WDPCP: variants seen among roughly 807,000 people sequenced by gnomAD.
WDPCP encodes WD repeat-containing and planar cell polarity effector protein fritz homolog.
In WDPCP, 71 loss-of-function variants were observed where a neutral mutation model predicts 93.1. The ratio of observed to expected loss-of-function variants is 0.76; its 90% CI spans 0.63 to 0.93. WDPCP has a LOEUF of 0.93. WDPCP is among the 40% of genes least tolerant of loss of function. The probability of loss-of-function intolerance (pLI) is 0.00; values close to 1 mark genes in which losing one functional copy is unlikely to be tolerated. For missense variants in WDPCP, 844 were observed against 887.4 expected (o/e 0.95, Z 0.62); for synonymous variants, 315 against 315.0 (o/e 1.00, Z 0.00).
chr2:63,229,610 A>G (rs1389558628), intron 14 of WDPCP: 3 of 152,060 alleles, frequency 2.0e-5, no homozygotes, highest in Admixed American at 6.6e-5. Flanking sequence ...TAATTTTTGT[A>G]TAAGGTGTAA....
intron 13 of WDPCP, among the ~76,000 whole-genome samples, chr2:63,279,657 A>G (rs952110801): frequency 2.0e-5 from 3 of 152,216 alleles, no homozygotes; most frequent in African/African-American, 7.2e-5. Flanking sequence ...ATTGGTAAAG[A>G]GGAAGTCAGA....
chr2:63,794,586 C>A (rs1160021525), intron 2 of WDPCP, among the ~76,000 whole-genome samples: 1 of 152,188 alleles, frequency 6.6e-6, no homozygotes, highest in South Asian at 2.1e-4. Flanking sequence ...AGGAAACCAC[C>A]TTAGGATAAG....
At chr2:63,515,778 G>A (rs1321242188) in intron 1 of WDPCP, among the ~76,000 whole-genome samples, 1 of 152,136 alleles carries the variant, frequency 6.6e-6, no homozygotes, top group Non-Finnish European at 1.5e-5. Flanking sequence ...CCAGCACTTC[G>A]GGAGGCCGAG....
At chr2:63,201,043 T>C (rs1461333095) in intron 14 of WDPCP, among the ~76,000 whole-genome samples, 1 of 152,164 alleles carries the variant, frequency 6.6e-6, no homozygotes, top group African/African-American at 2.4e-5. Flanking sequence ...TTTCCCAATG[T>C]TGGAGGAGGA....
At chr2:63,766,222 C>T (rs1670134690) in intron 2 of WDPCP, among the ~76,000 whole-genome samples, 1 of 152,176 alleles carries the variant, frequency 6.6e-6, no homozygotes, top group African/African-American at 2.4e-5. Context: ...ATCAGTGAGT[C>T]TCATCCCTCC....
At chr2:63,221,186 G>A (rs1677801323) in intron 14 of WDPCP, among the ~76,000 whole-genome samples, 1 of 152,142 alleles carries the variant, frequency 6.6e-6, no homozygotes, top group Non-Finnish European at 1.5e-5. Flanking sequence ...AGAGAACCAG[G>A]AGTGTTGTCT....
intron 17 of WDPCP, among the ~76,000 whole-genome samples, chr2:63,141,496 T>C (rs1671060134): frequency 6.6e-6 from 1 of 152,248 alleles, no homozygotes; most frequent in Admixed American, 6.5e-5. Context: ...CTTTTTGATA[T>C]GTTGTTGGAT....
In WDPCP at chr2:63,656,414, A is replaced by T. The variant is rs929633378; in HGVS notation, n.309-5576T>A. Among the ~76,000 whole-genome samples, 3 of 152,210 alleles carry T rather than the reference A, an allele frequency of 2.0e-5. No homozygotes were observed. In the South Asian group the frequency reaches 6.2e-4, roughly 31 times the overall value. ...TTGAGATTCATGGAGAATGGCTGGC[A>T]TTAGCATTGGGAAGTGCCAAGGCCA... On this transcript the variant is annotated intron_variant and non_coding_transcript_variant, in intron 2 of 4. Coordinates refer to the WDPCP transcript ENST00000467687.
intron 12 of WDPCP, among the ~76,000 whole-genome samples, chr2:63,335,411 T>C (rs1476998426): frequency 2.1e-5 from 3 of 142,808 alleles, no homozygotes; most frequent in Non-Finnish European, 4.5e-5. Context: ...GATGCTATTG[T>C]AAATAGAATG....
intron 6 of WDPCP, among the ~76,000 whole-genome samples, chr2:63,452,469 C>T (rs1427351385): frequency 2.0e-5 from 3 of 152,178 alleles, no homozygotes; most frequent in Non-Finnish European, 4.4e-5. Flanking sequence ...AAGAACATTC[C>T]ATGTTCATGG....
At chr2:63,462,869 G>A (rs1699110925) in intron 6 of WDPCP, among the ~76,000 whole-genome samples, 1 of 152,174 alleles carries the variant, frequency 6.6e-6, no homozygotes, top group Non-Finnish European at 1.5e-5. Flanking sequence ...GAGGACCAAA[G>A]AGGGGTCTCT....
At chr2:63,282,652 C>T (rs1683658709) in intron 13 of WDPCP, among the ~76,000 whole-genome samples, 1 of 152,064 alleles carries the variant, frequency 6.6e-6, no homozygotes, top group Non-Finnish European at 1.5e-5. Context: ...GATGATGTTA[C>T]TTTACAGCCA....
chr2:63,666,079 C>T (rs189906583), intron 2 of WDPCP, among the ~76,000 whole-genome samples: 2 of 152,318 alleles, frequency 1.3e-5, no homozygotes, highest in Admixed American at 1.3e-4. Context: ...TACACTGAAA[C>T]TTCTGTGTTT....
intron 12 of WDPCP, chr2:63,359,756 C>G (rs774943854): frequency 2.0e-5 from 3 of 152,152 alleles, no homozygotes; most frequent in Non-Finnish European, 2.9e-5. Flanking sequence ...CCAAAATACC[C>G]CCTGAGAAGT....
At chr2:63,296,678 C>G (rs1421511087) in intron 13 of WDPCP, among the ~76,000 whole-genome samples, 1 of 152,110 alleles carries the variant, frequency 6.6e-6, no homozygotes, top group African/African-American at 2.4e-5. Context: ...AAATCAGGAA[C>G]TCAATCCCAT....
At chr2:63,808,543 T>C (rs1280523105) in intron 2 of WDPCP, among the ~76,000 whole-genome samples, 2 of 152,194 alleles carry the variant, frequency 1.3e-5, no homozygotes, top group African/African-American at 4.8e-5. Context: ...GGGGTTTCGC[T>C]GTGTTGGCCG....
At chr2:63,580,619 A>G (rs1708432200) in intron 1 of WDPCP, among the ~76,000 whole-genome samples, 1 of 152,202 alleles carries the variant, frequency 6.6e-6, no homozygotes, top group Non-Finnish European at 1.5e-5. Flanking sequence ...AGAAATGTCA[A>G]TGTCATGAAA....
intron 1 of WDPCP, among the ~76,000 whole-genome samples, chr2:63,574,358 T>C (rs1005454423): frequency 1.3e-5 from 2 of 152,186 alleles, no homozygotes; most frequent in African/African-American, 4.8e-5. Context: ...GAAAAGAACC[T>C]ACGTGAAATA....
At chr2:63,684,815 A>G (rs1293014007) in intron 2 of WDPCP, 4 of 363,314 alleles carry the variant, frequency 1.1e-5, no homozygotes, top group African/African-American at 6.3e-5. Flanking sequence ...ATCAATAATA[A>G]TAGGAATTTT....
Sources: allele counts gnomAD v4.1 joint callset (sites outside exome capture counted in the v4.1 genomes callset), GRCh38; gene constraint gnomAD v4.1.1; transcripts MANE v1.5; gene names NCBI Gene and HGNC (gene_info 2026-07-23, HGNC 2026-07-21).